PXDNL: variants seen among roughly 807,000 people sequenced by gnomAD.
PXDNL encodes the protein peroxidasin like.
A neutral mutation model predicts 150.8 loss-of-function variants in PXDNL; 145 were observed. That is an observed-to-expected ratio of 0.96 (90% CI 0.84 to 1.10). The LOEUF is 1.10. PXDNL is among the 50% of genes least tolerant of loss of function. The pLI is 0.00. For synonymous variants in PXDNL, 757 were observed against 725.7 expected, an observed-to-expected ratio of 1.04 and a Z score of -0.69; for missense variants, 2,087 against 1,873.9, an observed-to-expected ratio of 1.11 and a Z score of -2.10.
intron 3 of PXDNL, 31 bp downstream of exon 3, chr8:51,592,596 T>A (rs1374726418): frequency 7.3e-7 from 1 of 1,375,924 alleles, no homozygotes; most frequent in African/African-American, 1.5e-5. Context: ...AACAACACCA[T>A]AAGGCATTGT....
rs148342898 is a variant in PXDNL at position 51,383,558 on chromosome 8, A to C, written c.3558-8827T>G. On this transcript the variant is annotated intron_variant, in intron 17 of 22. Transcript: ENST00000356297. ...AACATGAGAGAGTACCGCCCAAAGCAGGGCTGCAAACTGCCATCATAAAAT... is the reference window on the plus strand; with the variant it reads ...AACATGAGAGAGTACCGCCCAAAGCCGGGCTGCAAACTGCCATCATAAAAT... 5.1e-3 allele frequency among the ~76,000 whole-genome samples: 778 copies of C among 152,350 alleles called. 6 individuals carry two copies. Among genetic ancestry groups the C allele is most frequent in the African/African-American group, 0.018 (743 of 41,592 alleles).
intron 2 of PXDNL, among the ~76,000 whole-genome samples, chr8:51,652,227 C>T (rs1015497275): frequency 6.6e-6 from 1 of 152,010 alleles, no homozygotes; most frequent in Non-Finnish European, 1.5e-5. Flanking sequence ...AAAAATTTAA[C>T]TTTATTTTTT....
chr8:51,502,165 C>T (rs1030498685), intron 4 of PXDNL, among the ~76,000 whole-genome samples: 8 of 152,184 alleles, frequency 5.3e-5, no homozygotes, highest in African/African-American at 1.7e-4. Flanking sequence ...GTGGTAGGTT[C>T]TATAAATACA....
intron 1 of PXDNL, among the ~76,000 whole-genome samples, chr8:51,767,868 A>C (rs1359496456): frequency 1.3e-5 from 2 of 152,242 alleles, no homozygotes; most frequent in Non-Finnish European, 2.9e-5. Context: ...AGCCCTGAGG[A>C]TAACACGTTA....
chr8:51,491,428 T>C (rs1483485187), intron 5 of PXDNL, among the ~76,000 whole-genome samples: 1 of 152,222 alleles, frequency 6.6e-6, no homozygotes, highest in African/African-American at 2.4e-5. Context: ...TTTTATGATA[T>C]GATTTGATAT....
Position 51,455,026 on chromosome 8 carries a change from G to A in PXDNL, c.983-1241C>T, listed in dbSNP as rs563999483. Among the ~76,000 whole-genome samples the A allele has an allele frequency of 1.4e-3, 128 of 94,058 alleles. 9 individuals are homozygous for A. The highest frequency in any genetic ancestry group is 5.7e-3 in the Middle Eastern group (1 of 174). 61.7% of individuals were successfully genotyped at this position (94,058 alleles called of 152,430 possible). On this transcript the variant is annotated intron_variant, in intron 9 of 22. Transcript: ENST00000356297. Reference sequence around the variant, plus strand: ...CGGGAGGCTGAGGCAGGAGAATGGCGTGAACCCGGGAAGCGGAGCTTGCAG... The same window carrying A: ...CGGGAGGCTGAGGCAGGAGAATGGCATGAACCCGGGAAGCGGAGCTTGCAG...
intron 1 of PXDNL, among the ~76,000 whole-genome samples, chr8:51,764,417 CTT>C (rs1192496740): frequency 7.3e-6 from 1 of 137,134 alleles, no homozygotes. Context: ...TATTTGATGT[CTT>C]TTTTTTTTAA....
intron 1 of PXDNL, among the ~76,000 whole-genome samples, chr8:51,793,996 CACA>C (rs1269182938): frequency 2.0e-5 from 3 of 151,852 alleles, no homozygotes; most frequent in Non-Finnish European, 2.9e-5. Context: ...AGCTGAAAAA[CACA>C]ACATGAGAAT....
chr8:51,435,211 C>G (rs1041894685), intron 12 of PXDNL, among the ~76,000 whole-genome samples: 2 of 152,048 alleles, frequency 1.3e-5, no homozygotes, highest in Non-Finnish European at 2.9e-5. Context: ...ATCCCAGCTA[C>G]TCAGGAGGCG....
At chr8:51,509,786 A>G (rs1811372730) in intron 4 of PXDNL, among the ~76,000 whole-genome samples, 1 of 150,308 alleles carries the variant, frequency 6.7e-6, no homozygotes, top group Non-Finnish European at 1.5e-5. Context: ...ATATATACAC[A>G]CACACGTATA....
chr8:51,746,346 C>T (rs146359611), intron 1 of PXDNL, among the ~76,000 whole-genome samples: 61 of 152,314 alleles, frequency 4.0e-4, no homozygotes, highest in African/African-American at 1.4e-3. Flanking sequence ...GAGGGAGTGG[C>T]CACCAACCAC....
intron 2 of PXDNL, among the ~76,000 whole-genome samples, chr8:51,650,572 A>G (rs1409385155): frequency 2.0e-5 from 3 of 152,190 alleles, no homozygotes; most frequent in African/African-American, 7.2e-5. Context: ...TTCAGTGCTC[A>G]GGCCCTGTTG....
chr8:51,632,491 T>C (rs1445377622), intron 2 of PXDNL, among the ~76,000 whole-genome samples: 19 of 152,264 alleles, frequency 1.2e-4, no homozygotes, highest in Non-Finnish European at 2.2e-4. Flanking sequence ...TAGTCCCAGC[T>C]ACTCAGGAGG....
Position 51,771,943 on chromosome 8 carries a change from G to A in PXDNL, c.164+37238C>T, listed in dbSNP as rs371968662. ...TCTGCGAGGTTCTCTGACACAACAC[G>A]ATTCCCCAGAAAGCAAAAGTATCCA... is the stretch of plus-strand genomic sequence containing the variant. On this transcript the variant is annotated intron_variant, in intron 1 of 22. Coordinates refer to ENST00000356297, the MANE Select transcript of PXDNL (RefSeq NM_144651.5). 4.8e-5 allele frequency among the ~76,000 whole-genome samples: 7 copies of A among 145,932 alleles called. 1 individual carries two copies. Among genetic ancestry groups the A allele is most frequent in the Non-Finnish European group, 7.4e-5 (5 of 67,878 alleles).
chr8:51,322,977 A>G (rs572560753), intron 21 of PXDNL, among the ~76,000 whole-genome samples: 1 of 152,298 alleles, frequency 6.6e-6, no homozygotes, highest in East Asian at 1.9e-4. Context: ...AATGGAGAGG[A>G]TGATAAGACA....
chr8:51,617,635 C>T (rs1258552249), intron 2 of PXDNL, among the ~76,000 whole-genome samples: 1 of 152,222 alleles, frequency 6.6e-6, no homozygotes, highest in Non-Finnish European at 1.5e-5. Flanking sequence ...AGCTGGTGCT[C>T]TCTGAGTGTT....
intron 8 of PXDNL, among the ~76,000 whole-genome samples, chr8:51,469,589 C>A (rs745851056): frequency 1.1e-4 from 17 of 151,998 alleles, no homozygotes; most frequent in Non-Finnish European, 2.4e-4. Flanking sequence ...ATCCACTCCT[C>A]TAAGGACCCT....
At chr8:51,527,836 G>A (rs1585551232) in intron 4 of PXDNL, among the ~76,000 whole-genome samples, 1 of 152,196 alleles carries the variant, frequency 6.6e-6, no homozygotes, top group Non-Finnish European at 1.5e-5. Context: ...CTTGAAGAGA[G>A]AATCAGTCAG....
At chr8:51,562,013 T>C (rs1193368421) in intron 3 of PXDNL, among the ~76,000 whole-genome samples, 1 of 151,820 alleles carries the variant, frequency 6.6e-6, no homozygotes, top group African/African-American at 2.4e-5. Context: ...TTTGCACAAA[T>C]TTATTTTCTT....
Sources: gnomAD v4.1 joint callset for allele counts (sites outside exome capture counted in the v4.1 genomes callset) on GRCh38, gnomAD v4.1.1 for gene constraint, MANE v1.5 for transcripts, NCBI Gene and HGNC (gene_info 2026-07-23, HGNC 2026-07-21) for gene names.